TRRAP: variants seen among roughly 807,000 people sequenced by gnomAD.
The protein encoded by TRRAP is transformation/transcription domain-associated protein.
In TRRAP, 41 loss-of-function variants were observed where a neutral mutation model predicts 438.8. The ratio of observed to expected loss-of-function variants is 0.09; its 90% confidence interval spans 0.07 to 0.12. TRRAP has a LOEUF of 0.12. Ranked by LOEUF, TRRAP falls within the 10% of genes least tolerant of loss-of-function variation. TRRAP has a pLI of 1.00. For synonymous variants in TRRAP, 1,994 were observed against 1,962.9 expected, an observed-to-expected ratio of 1.02 and a Z score of -0.42; for missense variants, 3,122 against 5,055.1, an observed-to-expected ratio of 0.62 and a Z score of 11.60.
rs528566288 is a variant in TRRAP, at chr7:98,950,737, A to C, written c.5335-139A>C. 5.1e-6 allele frequency: 5 copies of C among 973,238 alleles called. No homozygotes were observed. In the African/African-American group the frequency reaches 6.7e-5, roughly 13 times the overall value. The allele number at this position is 973,238 out of a possible 1,614,324, so 60.3% of individuals were successfully genotyped here. A position where few individuals can be genotyped will look rare whatever the true frequency, so the allele number is the denominator to read the frequency against. The stretch of plus-strand genomic sequence containing the variant: ...CCTTTCTAGTTGCTCTTTGCATAGG[A>C]GTCAAGGTTGGTAGTCACACCCTGG... On this transcript the variant is annotated intron_variant, in intron 38 of 72. Transcript: ENST00000456197.
At chr7:98,950,336 CTTTT>C (rs1434477611) in intron 38 of TRRAP, 74 bp downstream of exon 38, 13 of 1,529,422 alleles carry the variant, frequency 8.5e-6, no homozygotes, top group Middle Eastern at 1.8e-4. Flanking sequence ...GGGCCCTTTT[CTTTT>C]TTTGCTGTGT....
chr7:98,976,635 G>A lies in TRRAP; in HGVS notation c.8112G>A (p.Gly2704=). 1 of 1,614,154 alleles carries A rather than the reference G, an allele frequency of 6.2e-7. No homozygotes were observed. Among genetic ancestry groups the A allele is most frequent in the Non-Finnish European group, 8.5e-7 (1 of 1,180,024 alleles). The change falls in exon 55 of 73, where the codon GGG becomes GGA. Residue 2704 remains glycine, a synonymous_variant. Coordinates refer to ENST00000456197, the MANE Select transcript of TRRAP (RefSeq NM_001375524.1). The surrounding 1 kb of genome is among the most constrained non-coding windows in gnomAD (Gnocchi z 4.6). ...GACCCTGCGTCCTGAAGTACCTGGG[G>A]AAGACACACAACCTCTGGTTCCGGT... ...PIRPCVLKYL[G]KTHNLWFRST...
intron 39 of TRRAP, among the ~76,000 whole-genome samples, chr7:98,951,400 C>T (rs1472759401): frequency 6.6e-6 from 1 of 152,172 alleles, no homozygotes; most frequent in Non-Finnish European, 1.5e-5. Flanking sequence ...TATGAGACTG[C>T]CTGCAGTAGC....
chr7:98,889,699 C>T (rs1365670204), intron 3 of TRRAP, among the ~76,000 whole-genome samples: 7 of 151,952 alleles, frequency 4.6e-5, no homozygotes, highest in East Asian at 1.9e-4. Flanking sequence ...AGCATAGGCA[C>T]GTGCCACAAT....
intron 30 of TRRAP, among the ~76,000 whole-genome samples, chr7:98,939,782 A>G (rs920496076): frequency 4.6e-5 from 7 of 152,226 alleles, no homozygotes; most frequent in African/African-American, 1.2e-4. Flanking sequence ...CATGTGTCCA[A>G]ATGTCCTAAT....
rs573878181 is a variant in TRRAP at position 98,905,886 on chromosome 7, A to G, written c.1037-291A>G. 5.0e-4 allele frequency among the ~76,000 whole-genome samples: 76 copies of G among 152,272 alleles called. 1 individual carries two copies. Among genetic ancestry groups the G allele is most frequent in the African/African-American group, 1.8e-3 (73 of 41,558 alleles). On this transcript the variant is annotated intron_variant, in intron 12 of 72. Transcript: ENST00000456197. ...TGGGATGTGCCCACAGTTAAGTATC[A>G]GAGGTGGGATCTCTGCCAGGGGACA...
chr7:99,000,202 T>A (rs943914908), intron 67 of TRRAP, among the ~76,000 whole-genome samples: 1 of 151,942 alleles, frequency 6.6e-6, no homozygotes, highest in Non-Finnish European at 1.5e-5. Flanking sequence ...ACAGGTGGGG[T>A]TTCACTACGT....
chr7:98,910,441 G>C (rs1554408547), intron 15 of TRRAP, 22 bp downstream of exon 15: 1 of 1,611,808 alleles, frequency 6.2e-7, no homozygotes, highest in Non-Finnish European at 8.5e-7. Flanking sequence ...CTTCAGTTAT[G>C]TAGACAAACA....
Position 98,993,608 on chromosome 7 carries a change from A to G in TRRAP, c.9918A>G (p.Arg3306=), listed in dbSNP as rs1793524079. The change falls in exon 66 of 73, where the codon AGA becomes AGG. Residue 3306 remains arginine, a synonymous_variant. Transcript: ENST00000456197. ...CTGCATCAGATCCAGGGCCCATAAGAGCAACAGCACCCATGTGGCGCTGCA... is the reference window on the plus strand; with the variant it reads ...CTGCATCAGATCCAGGGCCCATAAGGGCAACAGCACCCATGTGGCGCTGCA... ...SHSASDPGPI[R]ATAPMWRCSR... 5.0e-6 allele frequency: 8 copies of G among 1,614,178 alleles called. No individual in the cohort carries two copies. The highest frequency in any genetic ancestry group is 5.9e-6 in the Non-Finnish European group (7 of 1,180,046).
chr7:98,882,841 T>C (rs1474628777), intron 3 of TRRAP, among the ~76,000 whole-genome samples: 1 of 152,134 alleles, frequency 6.6e-6, no homozygotes, highest in Admixed American at 6.6e-5. Context: ...GCATTTTTAG[T>C]AGAGACCGGG....
At chr7:99,000,300 C>T (rs568744823) in intron 67 of TRRAP, among the ~76,000 whole-genome samples, 1 of 152,262 alleles carries the variant, frequency 6.6e-6, no homozygotes, top group South Asian at 2.1e-4. Flanking sequence ...TGAGTCACTG[C>T]CCGGCCATGT....
At position 98,975,376 on chromosome 7, in the gene TRRAP, C is replaced by T. The variant is rs535262380; in HGVS notation, c.7840-773C>T. 5.3e-5 allele frequency among the ~76,000 whole-genome samples: 8 copies of T among 152,334 alleles called. No individual in the cohort carries two copies. The East Asian group carries it at 1.5e-3, about 29-fold the overall frequency. ...GACAGTGTGGCTGTCAGCATGTGCC[C>T]CAGCCCTGTTGCGCCACTGCCTGAT... On this transcript the variant is annotated intron_variant, in intron 53 of 72. Transcript: ENST00000456197.
intron 46 of TRRAP, 149 bp downstream of exon 46, chr7:98,961,623 T>C: frequency 9.9e-7 from 1 of 1,011,042 alleles, no homozygotes. Context: ...AAAACTGACA[T>C]GGAAACATAG....
intron 3 of TRRAP, among the ~76,000 whole-genome samples, chr7:98,882,363 C>CTTTTTTTTT (rs531239628): frequency 5.8e-5 from 8 of 138,178 alleles, no homozygotes; most frequent in Admixed American, 1.5e-4. Flanking sequence ...TCTTTTCTTT[C>CTTTTTTTTT]TTTTTTTTTT....
intron 67 of TRRAP, among the ~76,000 whole-genome samples, chr7:98,996,483 CAT>C (rs553953380): frequency 2.0e-5 from 3 of 152,320 alleles, no homozygotes; most frequent in South Asian, 2.1e-4. Flanking sequence ...GATTGCAGCA[CAT>C]GAGTGATTGC....
chr7:98,912,342 C>T (rs1789311060), intron 18 of TRRAP, 129 bp downstream of exon 18: 1 of 947,082 alleles, frequency 1.1e-6, no homozygotes, highest in African/African-American at 1.7e-5. Flanking sequence ...CTTGATCTCC[C>T]CAGTTTTTGG....
intron 29 of TRRAP, 32 bp downstream of exon 29, chr7:98,937,309 C>CGTGTGTGCACACACATGT: frequency 6.4e-7 from 1 of 1,563,578 alleles, no homozygotes; most frequent in Non-Finnish European, 8.7e-7. Flanking sequence ...TATGCGCACG[C>CGTGTGTGCACACACATGT]GTGTGTGCAC....
intron 30 of TRRAP, among the ~76,000 whole-genome samples, chr7:98,941,093 C>G (rs1388830262): frequency 3.3e-5 from 5 of 152,152 alleles, no homozygotes; most frequent in African/African-American, 1.2e-4. Context: ...AATGGTCCAA[C>G]TTCATTCTTT....
Position 98,948,125 on chromosome 7 carries a change from A to G in TRRAP, c.4549-96A>G. 1.3e-6 allele frequency: 2 copies of G among 1,561,486 alleles called. No homozygotes were observed. Among genetic ancestry groups the G allele is most frequent in the South Asian group, 2.3e-5 (2 of 87,396 alleles). The stretch of plus-strand genomic sequence containing the variant: ...CTTCGCTTCACTGCCTAGCCTTGCC[A>G]ACATAGTTAGACTATAGTAGGGTCT... On this transcript the variant is annotated intron_variant, in intron 33 of 72. Coordinates refer to ENST00000456197, the MANE Select transcript of TRRAP (RefSeq NM_001375524.1). The surrounding 1 kb of genome is among the most constrained non-coding windows in gnomAD (Gnocchi z 4.9).
Sources: gnomAD v4.1 joint callset for allele counts (sites outside exome capture counted in the v4.1 genomes callset) on GRCh38, gnomAD v4.1.1 for gene constraint, Gnocchi (gnomAD v3.1) non-coding constraint, MANE v1.5 for transcripts, NCBI Gene and HGNC (gene_info 2026-07-23, HGNC 2026-07-21) for gene names.